PRKG1: variants seen among roughly 807,000 people sequenced by gnomAD.
The protein encoded by PRKG1 is protein kinase cGMP-dependent 1, also known as cGMP-dependent protein kinase 1.
In PRKG1, 35 loss-of-function variants were observed where a neutral mutation model predicts 88.1. The ratio of observed to expected loss-of-function variants is 0.40; its 90% CI spans 0.30 to 0.53. PRKG1 has a LOEUF of 0.53. Among genes scored for constraint, PRKG1 ranks in the 20% least tolerant of loss-of-function variants. The pLI, the probability that PRKG1 is intolerant of heterozygous loss-of-function variation, is 0.59. For missense variants in PRKG1, 540 were observed against 839.8 expected, an observed-to-expected ratio of 0.64 and a Z score of 4.41; for synonymous variants, 303 against 292.5, an observed-to-expected ratio of 1.04 and a Z score of -0.37.
chr10:51,788,049 C>T (rs887335580), intron 3 of PRKG1, among the ~76,000 whole-genome samples: 1 of 152,112 alleles, frequency 6.6e-6, no homozygotes, highest in African/African-American at 2.4e-5. Flanking sequence ...TGTACACTCA[C>T]AATTGGTGCT....
chr10:51,075,868 T>C (rs1462279763), intron 1 of PRKG1, among the ~76,000 whole-genome samples: 1 of 152,150 alleles, frequency 6.6e-6, no homozygotes, highest in Non-Finnish European at 1.5e-5. Flanking sequence ...GACAGGAACA[T>C]GAGGTTAACA....
chr10:51,005,163 T>G (rs1842928494), intron 1 of PRKG1, among the ~76,000 whole-genome samples: 1 of 152,150 alleles, frequency 6.6e-6, no homozygotes, highest in Admixed American at 6.5e-5. Flanking sequence ...TATTCAATCG[T>G]GTGATTGGAG....
At chr10:52,269,158 A>G (rs1841653139) in intron 10 of PRKG1, among the ~76,000 whole-genome samples, 2 of 152,066 alleles carry the variant, frequency 1.3e-5, no homozygotes, top group Non-Finnish European at 2.9e-5. Context: ...AGTCCTCACT[A>G]GTTTAACTGG....
At position 51,947,310 on chromosome 10, in the gene PRKG1, G is replaced by T. The variant is rs193090553; in HGVS notation, c.762+39740G>T. ...TCCTGGTGCGCCGTTTTTTAAGCTCGTCAGAAAAGCGCAGTATTGGGGTGG... is the reference window on the plus strand; with the variant it reads ...TCCTGGTGCGCCGTTTTTTAAGCTCTTCAGAAAAGCGCAGTATTGGGGTGG... On this transcript the variant is annotated intron_variant, in intron 5 of 17. Transcript: ENST00000373980. Among the ~76,000 whole-genome samples the T allele has an allele frequency of 5.3e-5, 8 of 152,208 alleles. No individual in the cohort carries two copies. In the East Asian group the frequency reaches 1.6e-3, roughly 30 times the overall value.
chr10:51,782,638 A>G (rs867031330), intron 3 of PRKG1, among the ~76,000 whole-genome samples: 1 of 152,078 alleles, frequency 6.6e-6, no homozygotes. Flanking sequence ...ACCTGGTGGG[A>G]GATAACTGAA....
At chr10:51,908,482 C>T (rs887923325) in intron 5 of PRKG1, 21 of 151,870 alleles carry the variant, frequency 1.4e-4, no homozygotes, top group Admixed American at 1.0e-3. Context: ...TAGGACATTG[C>T]AATTAATTTA....
chr10:52,096,701 G>A (rs866978164), intron 7 of PRKG1, among the ~76,000 whole-genome samples: 31 of 152,130 alleles, frequency 2.0e-4, no homozygotes, highest in Admixed American at 9.8e-4. Flanking sequence ...GTTGGTATGT[G>A]TGTGTGTTTG....
chr10:51,216,287 A>T (rs1037902528), intron 2 of PRKG1, among the ~76,000 whole-genome samples: 1 of 152,234 alleles, frequency 6.6e-6, no homozygotes, highest in Non-Finnish European at 1.5e-5. Flanking sequence ...GGGCACTAAG[A>T]TCTTTACATA....
chr10:51,451,282 C>CT (rs1284620592), intron 2 of PRKG1, among the ~76,000 whole-genome samples: 16 of 38,732 alleles, frequency 4.1e-4, no homozygotes, highest in Admixed American at 6.3e-4. Flanking sequence ...AGTAAGTAAA[C>CT]TTTTTTTTTT....
chr10:51,633,745 A>G (rs1839585887), intron 3 of PRKG1, among the ~76,000 whole-genome samples: 1 of 152,136 alleles, frequency 6.6e-6, no homozygotes, highest in South Asian at 2.1e-4. Flanking sequence ...TTTTTCCCCA[A>G]AGAAGCCAAA....
chr10:51,916,427 C>T (rs1243492364), intron 5 of PRKG1, among the ~76,000 whole-genome samples: 8 of 152,188 alleles, frequency 5.3e-5, no homozygotes, highest in Admixed American at 2.0e-4. Flanking sequence ...ATAAGCCACC[C>T]CTTGCTTAGC....
chr10:52,214,016 C>T (rs887326941), intron 9 of PRKG1, among the ~76,000 whole-genome samples: 4 of 152,086 alleles, frequency 2.6e-5, no homozygotes, highest in South Asian at 2.1e-4. Flanking sequence ...TGAGCATTTA[C>T]GATGTGGAAT....
At chr10:52,169,822 A>G (rs1838610979) in intron 9 of PRKG1, among the ~76,000 whole-genome samples, 1 of 152,186 alleles carries the variant, frequency 6.6e-6, no homozygotes, top group South Asian at 2.1e-4. Context: ...AAGATTATGG[A>G]TCTTCAGTAC....
intron 16 of PRKG1, 64 bp from the exon 17 acceptor site, chr10:52,290,160 A>G: frequency 7.1e-7 from 1 of 1,400,348 alleles, no homozygotes; most frequent in Non-Finnish European, 1.0e-6. Flanking sequence ...GACATTGTAT[A>G]CACTGCAATG....
chr10:51,620,366 T>A (rs1839174922), intron 3 of PRKG1, among the ~76,000 whole-genome samples: 1 of 152,098 alleles, frequency 6.6e-6, no homozygotes, highest in Non-Finnish European at 1.5e-5. Flanking sequence ...GGCTCTCTAT[T>A]CACCCTAGAC....
At position 51,598,716 on chromosome 10, in the gene PRKG1, C is replaced by T. The variant is rs73341664; in HGVS notation, c.592+130880C>T. Among the ~76,000 whole-genome samples, 287 of 151,946 alleles carry T rather than the reference C, an allele frequency of 1.9e-3. 2 individuals carry two copies. The highest frequency in any genetic ancestry group is 6.3e-3 in the African/African-American group (262 of 41,430). ...GTGGAGCATTAAATGCTCAGTAGAA[C>T]GTAAATGATATTCAAGTGAATAAAC... is the stretch of plus-strand genomic sequence containing the variant. On this transcript the variant is annotated intron_variant, in intron 3 of 17. Coordinates refer to ENST00000373980, the MANE Select transcript of PRKG1 (RefSeq NM_006258.4).
intron 2 of PRKG1, among the ~76,000 whole-genome samples, chr10:51,241,863 A>C (rs1164964485): frequency 2.0e-5 from 3 of 152,116 alleles, no homozygotes; most frequent in Non-Finnish European, 4.4e-5. Flanking sequence ...CCAGTAGTCC[A>C]AAGCCAATTT....
chr10:52,159,144 TCA>T (rs1838209697), intron 8 of PRKG1, among the ~76,000 whole-genome samples: 1 of 151,544 alleles, frequency 6.6e-6, no homozygotes, highest in Non-Finnish European at 1.5e-5. Flanking sequence ...ATTTCTCCAT[TCA>T]GTTTTAATTT....
chr10:51,503,402 A>C (rs1470568751), intron 3 of PRKG1, among the ~76,000 whole-genome samples: 1 of 152,190 alleles, frequency 6.6e-6, no homozygotes, highest in Non-Finnish European at 1.5e-5. Flanking sequence ...AACCCCATTG[A>C]AGAGCATTGT....
Sources: gnomAD v4.1 joint callset for allele counts (sites outside exome capture counted in the v4.1 genomes callset) on GRCh38, gnomAD v4.1.1 for gene constraint, MANE v1.5 for transcripts, NCBI Gene and HGNC (gene_info 2026-07-23, HGNC 2026-07-21) for gene names.